APP: variants seen among roughly 807,000 people sequenced by gnomAD.
APP encodes amyloid-beta precursor protein.
APP carries 31 observed loss-of-function variants against 101.4 expected under a neutral mutation model. The observed-to-expected ratio is 0.31, with a 90% CI of 0.23 to 0.41. The LOEUF (loss-of-function observed/expected upper bound fraction) is 0.41, where lower values mean the gene tolerates loss of function less well. Among genes scored for constraint, APP ranks in the 10% least tolerant of loss-of-function variants. The probability of loss-of-function intolerance (pLI) is 1.00; values close to 1 mark genes in which losing one functional copy is unlikely to be tolerated. For synonymous variants in APP, 366 were observed against 364.4 expected, an observed-to-expected ratio of 1.00 and a Z score of -0.05; for missense variants, 839 against 1,003.7, an observed-to-expected ratio of 0.84 and a Z score of 2.22.
At chr21:26,093,567 C>T (rs527354074) in intron 2 of APP, among the ~76,000 whole-genome samples, 5 of 152,148 alleles carry the variant, frequency 3.3e-5, no homozygotes, top group Admixed American at 3.3e-4. Flanking sequence ...GTTGGTGCAA[C>T]AGGGCAGTAA....
At chr21:26,163,345 A>AG (rs1485601593) in intron 1 of APP, among the ~76,000 whole-genome samples, 1 of 152,144 alleles carries the variant, frequency 6.6e-6, no homozygotes, top group Non-Finnish European at 1.5e-5. Flanking sequence ...GACTTTGTGA[A>AG]GAAAAAAAGG....
chr21:25,880,708 T>A lies in APP; in HGVS notation c.*962A>T, dbSNP rs572241749. On this transcript the variant is annotated 3_prime_UTR_variant, in exon 18 of 18. Coordinates refer to ENST00000346798, the MANE Select transcript of APP (RefSeq NM_000484.4). ...TTGTATCATAAATGAAACTTCAGAC[T>A]GGTTAAAGAAAATTGAATCTGCCTC... 1 of 152,360 alleles carries A rather than the reference T, an allele frequency of 6.6e-6. No individual in the cohort carries two copies. Among genetic ancestry groups the A allele is most frequent in the African/African-American group, 2.4e-5 (1 of 41,584 alleles). 9.4% of individuals were successfully genotyped at this position (152,360 alleles called of 1,614,324 possible).
intron 3 of APP, among the ~76,000 whole-genome samples, chr21:26,080,257 T>C (rs772963917): frequency 5.3e-5 from 8 of 152,208 alleles, no homozygotes; most frequent in Non-Finnish European, 1.0e-4. Flanking sequence ...TTTTGATTTG[T>C]GAATTCCATT....
intron 17 of APP, among the ~76,000 whole-genome samples, chr21:25,890,337 T>C (rs2037608167): frequency 6.6e-6 from 1 of 152,240 alleles, no homozygotes; most frequent in African/African-American, 2.4e-5. Flanking sequence ...AAATTTCATT[T>C]ATTTAAACTC....
intron 5 of APP, among the ~76,000 whole-genome samples, chr21:26,022,452 A>C (rs1396618701): frequency 6.6e-6 from 1 of 152,200 alleles, no homozygotes; most frequent in Non-Finnish European, 1.5e-5. Context: ...GTCAAAACCA[A>C]GAGACTATAC....
At chr21:25,949,718 T>G (rs746141323) in intron 13 of APP, among the ~76,000 whole-genome samples, 1 of 152,132 alleles carries the variant, frequency 6.6e-6, no homozygotes, top group Non-Finnish European at 1.5e-5. Context: ...TTAGTAGAGA[T>G]ATAAACAAAT....
chr21:25,897,458 A>G, intron 16 of APP, 115 bp downstream of exon 16: 1 of 863,844 alleles, frequency 1.2e-6, no homozygotes, highest in East Asian at 2.5e-5. Flanking sequence ...TCCTATAGGC[A>G]AGCATTGTAT....
intron 8 of APP, among the ~76,000 whole-genome samples, chr21:25,990,824 C>T (rs1026028649): frequency 2.0e-5 from 3 of 152,094 alleles, no homozygotes; most frequent in African/African-American, 4.8e-5. Flanking sequence ...TACTCAGATT[C>T]CTTTGCTGGT....
chr21:26,037,203 T>C (rs779292249), intron 5 of APP, among the ~76,000 whole-genome samples: 10 of 152,096 alleles, frequency 6.6e-5, no homozygotes, highest in Non-Finnish European at 1.2e-4. Flanking sequence ...CAGAGGATGA[T>C]GGAGGCTGGG....
chr21:25,890,608 G>A (rs774257870), intron 17 of APP, among the ~76,000 whole-genome samples: 10 of 151,712 alleles, frequency 6.6e-5, no homozygotes, highest in African/African-American at 2.4e-4. Flanking sequence ...GCATGGTGGC[G>A]TGTGCCCATA....
chr21:25,993,641 A>C (rs2042951750), intron 8 of APP, among the ~76,000 whole-genome samples: 1 of 152,230 alleles, frequency 6.6e-6, no homozygotes, highest in Admixed American at 6.5e-5. Context: ...GATGATGCTG[A>C]CATTCTAACA....
chr21:25,902,253 G>A (rs538766143), intron 15 of APP, among the ~76,000 whole-genome samples: 1 of 152,298 alleles, frequency 6.6e-6, no homozygotes, highest in East Asian at 1.9e-4. Flanking sequence ...TGAACGGCAT[G>A]ACAATCTTGG....
At chr21:25,891,610 A>G in intron 17 of APP, 112 bp downstream of exon 17, 1 of 1,047,932 alleles carries the variant, frequency 9.5e-7, no homozygotes. Context: ...TCATGGAAGC[A>G]CACTGATTCG....
At chr21:25,924,814 T>C (rs1449897345) in intron 13 of APP, among the ~76,000 whole-genome samples, 1 of 151,760 alleles carries the variant, frequency 6.6e-6, no homozygotes, top group Admixed American at 6.6e-5. Context: ...TGGACACCAG[T>C]GAGAATATGA....
At chr21:26,080,270 C>T (rs907000696) in intron 3 of APP, among the ~76,000 whole-genome samples, 29 of 152,136 alleles carry the variant, frequency 1.9e-4, no homozygotes, top group African/African-American at 6.8e-4. Context: ...ATTCCATTAT[C>T]TCTTGGAGAA....
intron 13 of APP, among the ~76,000 whole-genome samples, chr21:25,952,658 T>C (rs1355013046): frequency 6.6e-6 from 1 of 152,204 alleles, no homozygotes; most frequent in Non-Finnish European, 1.5e-5. Context: ...TTTTTAGTCC[T>C]TTGTAATGGC....
intron 2 of APP, among the ~76,000 whole-genome samples, chr21:26,102,244 A>G (rs2062077784): frequency 6.6e-6 from 1 of 151,800 alleles, no homozygotes; most frequent in Admixed American, 6.6e-5. Context: ...GCCCACCACC[A>G]CGCCCGGCAA....
At chr21:26,127,350 T>C (rs1397435677) in intron 1 of APP, among the ~76,000 whole-genome samples, 1 of 152,180 alleles carries the variant, frequency 6.6e-6, no homozygotes, top group East Asian at 1.9e-4. Context: ...CATTTCATAA[T>C]GAACAACTTA....
At chr21:26,071,933 T>C (rs2061418723) in intron 3 of APP, among the ~76,000 whole-genome samples, 1 of 152,224 alleles carries the variant, frequency 6.6e-6, no homozygotes, top group Non-Finnish European at 1.5e-5. Context: ...CCCTCCCCAC[T>C]CACGCTATTA....
Sources: allele counts gnomAD v4.1 joint callset (sites outside exome capture counted in the v4.1 genomes callset), GRCh38; gene constraint gnomAD v4.1.1; transcripts MANE v1.5; gene names NCBI Gene and HGNC (gene_info 2026-07-23, HGNC 2026-07-21).